DENND2A: variants seen among roughly 807,000 people sequenced by gnomAD.
DENND2A encodes DENN domain-containing protein 2A.
A neutral mutation model predicts 105.3 loss-of-function variants in DENND2A; 53 were observed. The observed-to-expected ratio is 0.50, with a 90% CI of 0.40 to 0.63. The LOEUF is 0.63. Ranked by LOEUF, DENND2A falls within the 30% of genes least tolerant of loss-of-function variation. The pLI is 0.00. For missense variants in DENND2A, 1,138 were observed against 1,279.6 expected (o/e 0.89, Z 1.69); for synonymous variants, 522 against 508.4 (o/e 1.03, Z -0.36).
rs1023389294 is a variant in DENND2A, at chr7:140,553,636, T to A, written c.2037+2000A>T. ...AATACCTGGCTTTCCTAGGCAGAGG[T>A]CCCTGCGGCCTTCCGCAGTGTTTGT... is the stretch of plus-strand genomic sequence containing the variant. On this transcript the variant is annotated intron_variant, in intron 12 of 19. Coordinates refer to ENST00000496613, the MANE Select transcript of DENND2A (RefSeq NM_015689.5). Among the ~76,000 whole-genome samples the A allele has an allele frequency of 5.9e-5, 9 of 152,274 alleles. No homozygotes were observed. The South Asian group carries it at 6.2e-4, about 11-fold the overall frequency.
chr7:140,527,847 T>A lies in DENND2A; in HGVS notation c.2328-352A>T, dbSNP rs1366446258. ...TTATTTATTTATTTATATTTTTAAT[T>A]TTTTTGAGACGGAGTCTCACTCTGT... On this transcript the variant is annotated intron_variant, in intron 14 of 19. Transcript: ENST00000496613. The surrounding 1 kb of genome is among the most constrained non-coding windows in gnomAD (Gnocchi z 4.9). Among the ~76,000 whole-genome samples the A allele has an allele frequency of 1.3e-5, 2 of 152,088 alleles. No homozygotes were observed. The highest frequency in any genetic ancestry group is 4.8e-5 in the African/African-American group (2 of 41,424).
chr7:140,624,251 T>C (rs1051747300), intron 1 of DENND2A, among the ~76,000 whole-genome samples: 13 of 152,118 alleles, frequency 8.5e-5, no homozygotes, highest in African/African-American at 2.7e-4. Flanking sequence ...CCTCAGCAGC[T>C]CTCCCCTTGT....
intron 12 of DENND2A, among the ~76,000 whole-genome samples, chr7:140,553,705 G>A (rs914925644): frequency 2.0e-5 from 3 of 152,148 alleles, no homozygotes; most frequent in East Asian, 1.9e-4. Flanking sequence ...GACTCTTAAC[G>A]AGCATGCTGC....
intron 1 of DENND2A, among the ~76,000 whole-genome samples, chr7:140,627,302 CCA>C (rs1800569271): frequency 6.6e-6 from 1 of 152,152 alleles, no homozygotes; most frequent in Non-Finnish European, 1.5e-5. Flanking sequence ...ACCTCCACCT[CCA>C]GAGTTCAAGC....
At chr7:140,607,069 A>C (rs1422839542) in intron 1 of DENND2A, among the ~76,000 whole-genome samples, 1 of 152,186 alleles carries the variant, frequency 6.6e-6, no homozygotes, top group Admixed American at 6.5e-5. Context: ...CTCCTTGACT[A>C]GAGCTCAAGG....
Position 140,580,302 on chromosome 7 carries a change from CATGT to C in DENND2A, c.1245+5283_1245+5286del, listed in dbSNP as rs1167587498. Among the ~76,000 whole-genome samples, 6 of 143,996 alleles carry C rather than the reference CATGT, an allele frequency of 4.2e-5. No homozygotes were observed. The South Asian group carries it at 9.1e-4, about 22-fold the overall frequency. 94.5% of individuals were successfully genotyped at this position (143,996 alleles called of 152,430 possible). On this transcript the variant is annotated intron_variant, in intron 5 of 19. Transcript: ENST00000496613. The stretch of plus-strand genomic sequence containing the variant: ...AAAAAAAGAAAGGCATGTATGTATG[CATGT>C]ATGTATGCATGTATGCATGTATGTA...
intron 5 of DENND2A, among the ~76,000 whole-genome samples, chr7:140,581,131 G>A (rs1798524187): frequency 6.6e-6 from 1 of 151,998 alleles, no homozygotes; most frequent in African/African-American, 2.4e-5. Context: ...CCGGCACAGT[G>A]GCCTGTGCCT....
intron 1 of DENND2A, among the ~76,000 whole-genome samples, chr7:140,611,597 T>A (rs187158792): frequency 1.3e-5 from 2 of 152,226 alleles, no homozygotes; most frequent in East Asian, 3.9e-4. Flanking sequence ...ATTGATGGAT[T>A]TTAAAAAGTG....
Position 140,527,158 on chromosome 7 carries a change from C to T in DENND2A, c.2505+160G>A, listed in dbSNP as rs1796085491. 6.6e-6 allele frequency among the ~76,000 whole-genome samples: 1 copy of T among 152,348 alleles called. No individual in the cohort carries two copies. The highest frequency in any genetic ancestry group is 1.9e-4 in the East Asian group (1 of 5,184). On this transcript the variant is annotated intron_variant, in intron 15 of 19. Coordinates refer to ENST00000496613, the MANE Select transcript of DENND2A (RefSeq NM_015689.5). The surrounding 1 kb of genome is among the most constrained non-coding windows in gnomAD (Gnocchi z 4.9). ...TCACTGAGGGTCTGACTGAGTCAGC[C>T]TCTGGGCAGGACCCATGCCAGACAA... is the stretch of plus-strand genomic sequence containing the variant.
At chr7:140,631,217 A>G (rs752661880) in intron 1 of DENND2A, among the ~76,000 whole-genome samples, 6 of 152,194 alleles carry the variant, frequency 3.9e-5, no homozygotes, top group Non-Finnish European at 8.8e-5. Flanking sequence ...ATGGATAGGA[A>G]TAGAAGCCAG....
At chr7:140,548,193 G>A (rs1015217784) in intron 12 of DENND2A, among the ~76,000 whole-genome samples, 2 of 151,862 alleles carry the variant, frequency 1.3e-5, no homozygotes, top group Non-Finnish European at 2.9e-5. Context: ...CTGAGTAGCT[G>A]AGACTACAGG....
At position 140,602,361 on chromosome 7, in the gene DENND2A, G is replaced by A; in HGVS notation, c.37C>T (p.Pro13Ser). ...CCAGCCCTGCTGGCTTCTGCAGCTGGGTCACTGATGATCATATCCAAGCTG... is the reference window on the plus strand; with the variant it reads ...CCAGCCCTGCTGGCTTCTGCAGCTGAGTCACTGATGATCATATCCAAGCTG... ...MFSLDMIISD[P>S]AAEASRAGKK... The change falls in exon 3 of 20, where the codon CCA becomes TCA. Residue 13 changes from proline to serine, a missense_variant. By Grantham distance (74) the Pro-to-Ser change is moderately conservative. Transcript: ENST00000496613. 6.3e-7 allele frequency: 1 copy of A among 1,590,030 alleles called. No homozygotes were observed. Among genetic ancestry groups the A allele is most frequent in the Non-Finnish European group, 8.5e-7 (1 of 1,172,178 alleles).
chr7:140,625,391 A>G (rs1013981484), intron 1 of DENND2A, among the ~76,000 whole-genome samples: 12 of 150,448 alleles, frequency 8.0e-5, no homozygotes, highest in Non-Finnish European at 1.8e-4. Flanking sequence ...AAGAAAAAAA[A>G]AGAACAGTCT....
chr7:140,598,995 CTAAT>C (rs1432038607), intron 3 of DENND2A, among the ~76,000 whole-genome samples: 1 of 151,940 alleles, frequency 6.6e-6, no homozygotes, highest in Non-Finnish European at 1.5e-5. Context: ...GATCAACTGA[CTAAT>C]TATTAGCAAC....
chr7:140,578,143 A>G (rs269217), intron 5 of DENND2A, among the ~76,000 whole-genome samples: 12,574 of 152,214 alleles, frequency 0.083, 570 homozygotes, highest in Admixed American at 0.15. Context: ...GAAAAGAGAC[A>G]AGAACCCTGA....
intron 1 of DENND2A, among the ~76,000 whole-genome samples, chr7:140,629,901 A>T (rs1800674112): frequency 2.9e-5 from 4 of 136,450 alleles, no homozygotes; most frequent in African/African-American, 1.1e-4. Flanking sequence ...TCTGTCGCCC[A>T]GGCTGGAGTT....
At chr7:140,532,459 A>G (rs1398503438) in intron 14 of DENND2A, among the ~76,000 whole-genome samples, 1 of 152,182 alleles carries the variant, frequency 6.6e-6, no homozygotes, top group Non-Finnish European at 1.5e-5. Context: ...GGAGAAGAAA[A>G]AATGCAGTAT....
At chr7:140,632,088 CA>C (rs1460537999) in intron 1 of DENND2A, among the ~76,000 whole-genome samples, 2 of 152,160 alleles carry the variant, frequency 1.3e-5, no homozygotes, top group Non-Finnish European at 2.9e-5. Context: ...TGATCCCTTA[CA>C]AATGCCTCTG....
rs1369416276 is a variant in DENND2A at position 140,640,148 on chromosome 7, A to AGC, written c.-248+354_-248+355dup. ...AGACACACTCACACACAGACACACA[A>AGC]GCGCGCACACACACACACGCGCGCG... is the stretch of plus-strand genomic sequence containing the variant. On this transcript the variant is annotated intron_variant, in intron 1 of 19. Coordinates refer to ENST00000496613, the MANE Select transcript of DENND2A (RefSeq NM_015689.5). This position sits in a 1 kb window ranked among gnomAD's most constrained non-coding sequence, Gnocchi z 4.9. 1.1e-4 allele frequency: 16 copies of AGC among 150,680 alleles called. No individual in the cohort carries two copies. Among genetic ancestry groups the AGC allele is most frequent in the Admixed American group, 9.8e-4 (15 of 15,248 alleles). The allele number at this position is 150,680 out of a possible 1,614,324, so 9.3% of individuals were successfully genotyped here.
Sources: allele counts gnomAD v4.1 joint callset (sites outside exome capture counted in the v4.1 genomes callset), GRCh38; gene constraint gnomAD v4.1.1; non-coding constraint Gnocchi (gnomAD v3.1); transcripts MANE v1.5; gene names NCBI Gene and HGNC (gene_info 2026-07-23, HGNC 2026-07-21).